The following CTNNA2 variants were observed in gnomAD, a reference collection of about 807,000 sequenced individuals.
The protein encoded by CTNNA2 is catenin alpha-2.
In CTNNA2, 42 loss-of-function variants were observed where a neutral mutation model predicts 101.0. The observed-to-expected ratio is 0.42, with a 90% CI of 0.32 to 0.54. The LOEUF (loss-of-function observed/expected upper bound fraction) is 0.54. Among genes scored for constraint, CTNNA2 ranks in the 20% least tolerant of loss-of-function variants. The probability of loss-of-function intolerance (pLI) is 0.14; values close to 1 mark genes in which losing one functional copy is unlikely to be tolerated. For missense variants in CTNNA2, 871 were observed against 1,223.1 expected (o/e 0.71, Z 4.29); for synonymous variants, 450 against 456.4 (o/e 0.99, Z 0.18).
chr2:79,625,491 A>C (rs1449632743), intron 1 of CTNNA2, among the ~76,000 whole-genome samples: 1 of 152,196 alleles, frequency 6.6e-6, no homozygotes, highest in Admixed American at 6.5e-5. Flanking sequence ...ATACTATGAA[A>C]CTTTTGTTTC....
intron 1 of CTNNA2, among the ~76,000 whole-genome samples, chr2:79,520,573 T>C (rs981805418): frequency 6.6e-6 from 1 of 152,220 alleles, no homozygotes; most frequent in Admixed American, 6.5e-5. Flanking sequence ...TAGAACTACA[T>C]GTCTCTCTCT....
At chr2:79,972,092 G>C (rs557112040) in intron 7 of CTNNA2, among the ~76,000 whole-genome samples, 6 of 152,162 alleles carry the variant, frequency 3.9e-5, no homozygotes, top group African/African-American at 1.4e-4. Flanking sequence ...GGGCCAACCA[G>C]ACTCAGAGAG....
chr2:79,194,096 G>A (rs532721377), intron 1 of CTNNA2, among the ~76,000 whole-genome samples: 2 of 152,268 alleles, frequency 1.3e-5, no homozygotes, highest in Non-Finnish European at 2.9e-5. Context: ...AGGCATGAAC[G>A]TAAATTGTTT....
At chr2:79,254,480 G>C (rs901401169) in intron 2 of CTNNA2, among the ~76,000 whole-genome samples, 8 of 152,142 alleles carry the variant, frequency 5.3e-5, no homozygotes, top group South Asian at 4.1e-4. Flanking sequence ...TCTTCCACCT[G>C]TTCCAGCCAT....
At chr2:80,536,924 TACTTTA>T (rs1239364929) in intron 9 of CTNNA2, among the ~76,000 whole-genome samples, 5 of 152,256 alleles carry the variant, frequency 3.3e-5, no homozygotes, top group African/African-American at 4.8e-5. Context: ...CTATACATTT[TACTTTA>T]ACTTCTGGGA....
At chr2:79,956,715 C>T (rs550578473) in intron 7 of CTNNA2, among the ~76,000 whole-genome samples, 49 of 152,266 alleles carry the variant, frequency 3.2e-4, no homozygotes, top group African/African-American at 1.2e-3. Flanking sequence ...ATTCCCCTGG[C>T]CACCTTAGTG....
At chr2:80,393,078 G>A in intron 7 of CTNNA2, 133 bp from the exon 8 acceptor site, 1 of 609,206 alleles carries the variant, frequency 1.6e-6, no homozygotes, top group Non-Finnish European at 2.8e-6. Flanking sequence ...TCATGTTATA[G>A]TTATGTATTG....
chr2:79,460,670 C>T (rs1367319744), intron 4 of CTNNA2, among the ~76,000 whole-genome samples: 2 of 152,116 alleles, frequency 1.3e-5, no homozygotes, highest in African/African-American at 4.8e-5. Context: ...GCTTGGCCAG[C>T]ACAACACCAG....
intron 7 of CTNNA2, among the ~76,000 whole-genome samples, chr2:80,057,566 C>T (rs906978219): frequency 3.3e-5 from 5 of 152,126 alleles, no homozygotes; most frequent in African/African-American, 4.8e-5. Context: ...TCCATCTCTC[C>T]TTTTCTCTCT....
intron 3 of CTNNA2, among the ~76,000 whole-genome samples, chr2:79,839,583 C>A (rs140259956): frequency 1.3e-5 from 2 of 151,934 alleles, no homozygotes; most frequent in African/African-American, 4.8e-5. Context: ...CCTTAACATA[C>A]GTATTTTTTC....
intron 7 of CTNNA2, among the ~76,000 whole-genome samples, chr2:80,033,972 TAAAAAAA>T (rs70940069): frequency 2.4e-5 from 2 of 84,246 alleles, no homozygotes; most frequent in Non-Finnish European, 4.4e-5. Flanking sequence ...GCTTATAATG[TAAAAAAA>T]AAAAAAAAAA....
chr2:80,361,935 C>T (rs55682105), intron 7 of CTNNA2, among the ~76,000 whole-genome samples: 53,150 of 151,906 alleles, frequency 0.35, 10,583 homozygotes, highest in African/African-American at 0.54. Context: ...TGCAACCCAT[C>T]CCATACATGT....
chr2:80,263,128 C>G (rs1672744208), intron 7 of CTNNA2, among the ~76,000 whole-genome samples: 1 of 151,968 alleles, frequency 6.6e-6, no homozygotes, highest in Non-Finnish European at 1.5e-5. Context: ...TACATAATTG[C>G]TTAACTGGGT....
chr2:80,380,244 G>A (rs1384925319), intron 7 of CTNNA2, among the ~76,000 whole-genome samples: 1 of 152,022 alleles, frequency 6.6e-6, no homozygotes, highest in Non-Finnish European at 1.5e-5. Flanking sequence ...CACCGTGTTA[G>A]CCAGGATAAT....
chr2:79,984,406 C>G (rs960259210), intron 7 of CTNNA2, among the ~76,000 whole-genome samples: 2 of 152,100 alleles, frequency 1.3e-5, no homozygotes, highest in African/African-American at 4.8e-5. Context: ...GATAAAAGGG[C>G]TGATTGTGCT....
chr2:80,201,040 A>G (rs995488206), intron 7 of CTNNA2, among the ~76,000 whole-genome samples: 2 of 152,154 alleles, frequency 1.3e-5, no homozygotes, highest in Non-Finnish European at 2.9e-5. Flanking sequence ...ATAAAATGGC[A>G]TAGTATTTAC....
intron 3 of CTNNA2, among the ~76,000 whole-genome samples, chr2:79,807,281 C>CA (rs1676652757): frequency 6.6e-6 from 1 of 152,148 alleles, no homozygotes; most frequent in Admixed American, 6.6e-5. Context: ...CCTTGTTTCC[C>CA]AAAAAGACAA....
intron 2 of CTNNA2, among the ~76,000 whole-genome samples, chr2:79,741,083 G>GC (rs1309173725): frequency 2.0e-5 from 1 of 50,274 alleles, no homozygotes; most frequent in African/African-American, 3.1e-4. Context: ...CGGCAACTCA[G>GC]GGGAAGGAGT....
chr2:80,113,108 G>A (rs1017632), intron 7 of CTNNA2, among the ~76,000 whole-genome samples: 36,192 of 152,052 alleles, frequency 0.24, 4,935 homozygotes, highest in East Asian at 0.51. Context: ...GGGGCGAGGA[G>A]TGTACCACAT....
Sources: gnomAD v4.1 joint callset for allele counts (sites outside exome capture counted in the v4.1 genomes callset) on GRCh38, gnomAD v4.1.1 for gene constraint, MANE v1.5 for transcripts, NCBI Gene and HGNC (gene_info 2026-07-23, HGNC 2026-07-21) for gene names.